SCFD1: variants seen among roughly 807,000 people sequenced by gnomAD.
The protein encoded by SCFD1 is sec1 family domain containing 1.
SCFD1 carries 37 observed loss-of-function variants against 103.2 expected under a neutral mutation model. The ratio of observed to expected loss-of-function variants is 0.36; its 90% CI spans 0.28 to 0.47. SCFD1 has a LOEUF of 0.47. Ranked by LOEUF, SCFD1 falls within the 20% of genes least tolerant of loss-of-function variation. The pLI is 1.00. For synonymous variants in SCFD1, 264 were observed against 245.0 expected (o/e 1.08, Z -0.73); for missense variants, 639 against 761.2 (o/e 0.84, Z 1.89).
intron 22 of SCFD1, 84 bp downstream of exon 22, chr14:30,722,001 G>A: frequency 1.1e-6 from 1 of 942,012 alleles, no homozygotes; most frequent in East Asian, 2.5e-5. Flanking sequence ...ACCAAACATG[G>A]CTTTATGATG....
chr14:30,683,370 T>C, intron 14 of SCFD1: 1 of 555,292 alleles, frequency 1.8e-6, no homozygotes, highest in South Asian at 1.7e-5. Flanking sequence ...CTTATGCTTA[T>C]ACCTCAGGTC....
At chr14:30,707,814 C>A in intron 18 of SCFD1, 176 bp from the exon 19 acceptor site, 1 of 681,012 alleles carries the variant, frequency 1.5e-6, no homozygotes. Context: ...AATAAAATTG[C>A]AGCTGTGATA....
In SCFD1 at chr14:30,660,287, G is replaced by A. The variant is rs116538503; in HGVS notation, c.855+6699G>A. ...GCTGATTGTATCCTTTTGTATTCCC[G>A]ATACTTTCTGTAAACTAATTGATTG... On this transcript the variant is annotated intron_variant, in intron 10 of 24. Coordinates refer to ENST00000458591, the MANE Select transcript of SCFD1 (RefSeq NM_016106.4). Among the ~76,000 whole-genome samples the A allele has an allele frequency of 8.1e-3, 1,237 of 152,044 alleles. 19 individuals are homozygous for A. Among genetic ancestry groups the A allele is most frequent in the African/African-American group, 0.027 (1,100 of 41,498 alleles).
chr14:30,673,818 G>T (rs1369306128), intron 12 of SCFD1, 106 bp from the exon 13 acceptor site: 2 of 761,448 alleles, frequency 2.6e-6, no homozygotes, highest in East Asian at 5.2e-5. Context: ...AAATCTTACG[G>T]TATATCAATA....
chr14:30,637,286 T>A (rs150222421), intron 4 of SCFD1, among the ~76,000 whole-genome samples: 91 of 152,222 alleles, frequency 6.0e-4, no homozygotes, highest in African/African-American at 2.0e-3. Context: ...GTTTCCCTTT[T>A]CTCTTTACAA....
chr14:30,671,667 G>C (rs965794800), intron 11 of SCFD1, among the ~76,000 whole-genome samples: 1 of 152,126 alleles, frequency 6.6e-6, no homozygotes, highest in Non-Finnish European at 1.5e-5. Flanking sequence ...TGGGCACAAA[G>C]ACACTTGGAG....
intron 23 of SCFD1, among the ~76,000 whole-genome samples, chr14:30,725,197 ATAGTTTTCTC>A (rs2139423522): frequency 6.6e-6 from 1 of 152,288 alleles, no homozygotes; most frequent in Admixed American, 6.5e-5. Context: ...GAATTTTAAA[ATAGTTTTCTC>A]TAGTTCTGTA....
At chr14:30,661,596 T>C (rs1420832283) in intron 10 of SCFD1, among the ~76,000 whole-genome samples, 1 of 152,122 alleles carries the variant, frequency 6.6e-6, no homozygotes, top group African/African-American at 2.4e-5. Context: ...GGGTAGGAAA[T>C]TGTTTATTGG....
chr14:30,630,590 G>T (rs1884008394), intron 3 of SCFD1, 25 bp downstream of exon 3: 1 of 1,287,738 alleles, frequency 7.8e-7, no homozygotes, highest in Non-Finnish European at 1.1e-6. Flanking sequence ...ATTTCTAATA[G>T]TGGTATTCAT....
At position 30,633,992 on chromosome 14, in the gene SCFD1, A is replaced by G. The variant is rs375908735; in HGVS notation, c.267A>G (p.Val89=). 9.3e-6 allele frequency: 15 copies of G among 1,604,896 alleles called. No homozygotes were observed. The highest frequency in any genetic ancestry group is 1.3e-5 in the Non-Finnish European group (15 of 1,173,960). Reference sequence around the variant, plus strand: ...ATCCTATTCCAGATGTTCCTGCAGTATACTTTGTAATGCCAACTGAAGAAA... The same window carrying G: ...ATCCTATTCCAGATGTTCCTGCAGTGTACTTTGTAATGCCAACTGAAGAAA... ...DRDPIPDVPA[V]YFVMPTEENI... is the part of the protein sequence containing the mutation. Residue 89 remains valine (V), a synonymous_variant, in exon 4 of 25, where the codon GTA becomes GTG. Coordinates refer to ENST00000458591, the MANE Select transcript of SCFD1 (RefSeq NM_016106.4).
intron 23 of SCFD1, among the ~76,000 whole-genome samples, chr14:30,725,982 A>AAC (rs1893015658): frequency 6.6e-6 from 1 of 152,184 alleles, no homozygotes; most frequent in Non-Finnish European, 1.5e-5. Flanking sequence ...AGGTTTGGCC[A>AAC]ACAGTTAGCA....
intron 10 of SCFD1, among the ~76,000 whole-genome samples, chr14:30,654,694 A>G (rs78947745): frequency 0.066 from 10,018 of 151,750 alleles, 494 homozygotes; most frequent in African/African-American, 0.13. Flanking sequence ...AAAAAAGGAA[A>G]TGAAAGACAT....
intron 20 of SCFD1, among the ~76,000 whole-genome samples, chr14:30,716,339 A>G (rs1006791555): frequency 2.0e-5 from 3 of 152,226 alleles, no homozygotes; most frequent in South Asian, 2.1e-4. Context: ...TAATTTTATA[A>G]AAGTTAAATT....
At chr14:30,624,755 T>C (rs530749367) in intron 1 of SCFD1, among the ~76,000 whole-genome samples, 10 of 152,202 alleles carry the variant, frequency 6.6e-5, no homozygotes, top group Non-Finnish European at 1.5e-4. Context: ...AAAGTGATCT[T>C]ACAGTGTTCT....
Position 30,675,008 on chromosome 14 carries a change from A to C in SCFD1, c.1185A>C (p.Lys395Asn). ...AVSSLPELLE[K>N]KRLIDLHTNV... is the part of the protein sequence containing the mutation. The stretch of plus-strand genomic sequence containing the variant: ...GTTCTTTGCCAGAACTCCTTGAGAA[A>C]AAAAGACTTATTGATCTCCATACAA... The change falls in exon 14 of 25, where the codon AAA becomes AAC. Residue 395 changes from lysine (K) to asparagine (N), a missense_variant. Coordinates refer to ENST00000458591, the MANE Select transcript of SCFD1 (RefSeq NM_016106.4). 6.3e-7 allele frequency: 1 copy of C among 1,587,954 alleles called. No individual in the cohort carries two copies. Among genetic ancestry groups the C allele is most frequent in the East Asian group, 2.3e-5 (1 of 43,840 alleles).
chr14:30,724,749 A>T (rs1892924271), intron 23 of SCFD1, among the ~76,000 whole-genome samples: 1 of 152,112 alleles, frequency 6.6e-6, no homozygotes, highest in South Asian at 2.1e-4. Context: ...CTTTGTCATG[A>T]AATCTTTGCC....
chr14:30,675,587 G>T (rs920481181), intron 14 of SCFD1, among the ~76,000 whole-genome samples: 1 of 152,018 alleles, frequency 6.6e-6, no homozygotes, highest in East Asian at 1.9e-4. Flanking sequence ...TCTCATTACC[G>T]TGTTCATGAT....
In SCFD1 at chr14:30,673,930, G is replaced by A. The variant is rs1442297979; in HGVS notation, c.1093G>A (p.Glu365Lys). ...VKRLKSIMGL[E>K]GEDEGAISML... ...GACCTTTTTTCTTTACAAGGGACTA[G>A]AAGGGGAAGATGAAGGAGCCATAAG... The change falls in exon 13 of 25, where the codon GAA becomes AAA. Residue 365 changes from glutamate (E) to lysine (K), a missense_variant. Glu to Lys is a moderately conservative substitution (Grantham distance 56). Coordinates refer to ENST00000458591, the MANE Select transcript of SCFD1 (RefSeq NM_016106.4). 1.2e-6 allele frequency: 2 copies of A among 1,613,052 alleles called. No individual in the cohort carries two copies. Among genetic ancestry groups the A allele is most frequent in the African/African-American group, 1.3e-5 (1 of 74,990 alleles).
At chr14:30,727,908 A>G (rs958210101) in intron 23 of SCFD1, among the ~76,000 whole-genome samples, 1 of 152,206 alleles carries the variant, frequency 6.6e-6, no homozygotes. Flanking sequence ...TGAAAAAAAA[A>G]CATTAATTCC....
Sources: gnomAD v4.1 joint callset for allele counts (sites outside exome capture counted in the v4.1 genomes callset) on GRCh38, gnomAD v4.1.1 for gene constraint, MANE v1.5 for transcripts, NCBI Gene and HGNC (gene_info 2026-07-23, HGNC 2026-07-21) for gene names.